The following SLC25A46 variants were observed in gnomAD, a reference collection of about 807,000 sequenced individuals.
The protein encoded by SLC25A46 is mitochondrial outer membrane protein SLC25A46.
SLC25A46 carries 39 observed loss-of-function variants against 44.6 expected under a neutral mutation model. The ratio of observed to expected loss-of-function variants is 0.87; its 90% CI spans 0.68 to 1.14. The LOEUF (loss-of-function observed/expected upper bound fraction) is 1.14. Ranked by LOEUF, SLC25A46 falls within the 50% of genes most tolerant of loss-of-function variation. SLC25A46 has a pLI of 0.00. For missense variants in SLC25A46, 547 were observed against 522.7 expected (o/e 1.05, Z -0.45); for synonymous variants, 202 against 185.8 (o/e 1.09, Z -0.71).
intron 7 of SLC25A46, 21 bp downstream of exon 7, chr5:110,756,780 AT>A (rs575806457): frequency 2.5e-3 from 3,399 of 1,362,834 alleles, no homozygotes; most frequent in South Asian, 4.7e-3. Context: ...TTTTACTGTC[AT>A]TTTTTTTTTA....
chr5:110,760,650 C>T (rs906203713), intron 7 of SLC25A46, among the ~76,000 whole-genome samples: 2 of 152,150 alleles, frequency 1.3e-5, no homozygotes, highest in African/African-American at 4.8e-5. Flanking sequence ...CAAAATTCTA[C>T]AAAAGCAGAC....
rs905540220 is a variant in SLC25A46, at chr5:110,763,696, A to AAGTT, written c.*1917_*1920dup. 1 of 151,864 alleles carries AAGTT rather than the reference A, an allele frequency of 6.6e-6. No individual in the cohort carries two copies. Among genetic ancestry groups the AAGTT allele is most frequent in the African/African-American group, 2.4e-5 (1 of 41,404 alleles). The allele number at this position is 151,864 out of a possible 1,614,324, so 9.4% of individuals were successfully genotyped here. A position where few individuals can be genotyped will look rare whatever the true frequency, so the allele number is the denominator to read the frequency against. ...TTAAATATTTCAGGATATTTTTTGG[A>AAGTT]AGTTAGCATGAAAATAGTTAGTTAC... On this transcript the variant is annotated 3_prime_UTR_variant, in exon 8 of 8. Coordinates refer to ENST00000355943, the MANE Select transcript of SLC25A46 (RefSeq NM_138773.4).
At chr5:110,738,926 G>C, upstream of SLC25A46, 1 of 1,397,412 alleles carries the variant, frequency 7.2e-7, no homozygotes, top group South Asian at 1.5e-5. Flanking sequence ...CCTAGCAACC[G>C]TGCCCTTTAA....
At chr5:110,752,872 G>A (rs1265967205) in intron 5 of SLC25A46, among the ~76,000 whole-genome samples, 3 of 152,064 alleles carry the variant, frequency 2.0e-5, no homozygotes, top group African/African-American at 4.8e-5. Context: ...TATGAGCGTC[G>A]CTAGGGAAGA....
chr5:110,738,332 C>A, upstream of SLC25A46: 1 of 1,068,352 alleles, frequency 9.4e-7, no homozygotes, highest in Non-Finnish European at 1.2e-6. Flanking sequence ...ATTTCAATAC[C>A]CTGAGTGATT....
rs932965010 is a variant in SLC25A46, at chr5:110,764,026, G to A, written c.*2244G>A. ...AAATTGTTATTTTTCTTTAACATGG[G>A]TGCCAAATCAAATATCCATGGGCTA... On this transcript the variant is annotated 3_prime_UTR_variant, in exon 8 of 8. Coordinates refer to ENST00000355943, the MANE Select transcript of SLC25A46 (RefSeq NM_138773.4). The A allele has an allele frequency of 6.6e-6, 1 of 151,696 alleles. No individual in the cohort carries two copies. The highest frequency in any genetic ancestry group is 2.4e-5 in the African/African-American group (1 of 41,364). 9.4% of individuals were successfully genotyped at this position (151,696 alleles called of 1,614,324 possible).
Position 110,755,450 on chromosome 5 carries a change from A to G in SLC25A46, c.564-15A>G, listed in dbSNP as rs1394762178. ...CATGGCTTTTGTTTTATTTAAGTTT[A>G]TTTTTATGTTTTAGGGAGGTTTTAC... is the stretch of plus-strand genomic sequence containing the variant. On this transcript the variant is annotated splice_polypyrimidine_tract_variant and intron_variant, in intron 5 of 7. Coordinates refer to ENST00000355943, the MANE Select transcript of SLC25A46 (RefSeq NM_138773.4). 4.0e-6 allele frequency: 6 copies of G among 1,493,222 alleles called. No homozygotes were observed. The highest frequency in any genetic ancestry group is 4.6e-5 in the East Asian group (2 of 43,464). The allele number at this position is 1,493,222 out of a possible 1,614,324, so 92.5% of individuals were successfully genotyped here.
chr5:110,758,857 G>GAT (rs1308442743), intron 7 of SLC25A46, among the ~76,000 whole-genome samples: 1 of 152,072 alleles, frequency 6.6e-6, no homozygotes, highest in East Asian at 1.9e-4. Context: ...ACTCATACAA[G>GAT]ATTGTTTTCA....
At chr5:110,738,783 T>G, upstream of SLC25A46, 1 of 391,180 alleles carries the variant, frequency 2.6e-6, no homozygotes, top group East Asian at 6.1e-5. Context: ...ACTCCTCCCA[T>G]GCAGGCCCTA....
Position 110,739,405 on chromosome 5 carries a change from G to C in SLC25A46, c.283+3G>C. ...CAGTGTGCAGGGGCAGAGCAGTGGT[G>C]AGAAGCATGGGGACCGACACAGGGA... On this transcript the variant is annotated splice_donor_region_variant and intron_variant, in intron 1 of 7. Coordinates refer to ENST00000355943, the MANE Select transcript of SLC25A46 (RefSeq NM_138773.4). 6.5e-7 allele frequency: 1 copy of C among 1,540,012 alleles called. No homozygotes were observed. The highest frequency in any genetic ancestry group is 8.7e-7 in the Non-Finnish European group (1 of 1,148,236).
At chr5:110,747,100 T>C (rs963827553) in intron 4 of SLC25A46, among the ~76,000 whole-genome samples, 9 of 152,196 alleles carry the variant, frequency 5.9e-5, no homozygotes, top group African/African-American at 2.2e-4. Flanking sequence ...AAAATGTACA[T>C]GTTCTTTCAC....
intron 5 of SLC25A46, among the ~76,000 whole-genome samples, chr5:110,749,928 A>C (rs1364085143): frequency 2.6e-5 from 4 of 152,156 alleles, no homozygotes; most frequent in Non-Finnish European, 4.4e-5. Flanking sequence ...ATTTTTGTAT[A>C]TCATCCTATC....
chr5:110,739,206 T>C lies in SLC25A46; in HGVS notation c.87T>C (p.Pro29=), dbSNP rs768895732. Residue 29 remains proline, a synonymous_variant, in exon 1 of 8, where the codon CCT becomes CCC. Transcript: ENST00000355943. The part of the protein sequence containing the change: ...RDEQGFGGAF[P]ARSFSTGSDL... ...AGCAGGGCTTTGGCGGCGCCTTCCC[T>C]GCAAGGTCCTTCAGCACCGGGTCGG... The C allele has an allele frequency of 3.2e-6, 5 of 1,567,004 alleles. No homozygotes were observed. Among genetic ancestry groups the C allele is most frequent in the Non-Finnish European group, 4.3e-6 (5 of 1,156,248 alleles).
intron 7 of SLC25A46, among the ~76,000 whole-genome samples, chr5:110,758,641 G>A (rs1159139376): frequency 6.6e-6 from 1 of 151,986 alleles, no homozygotes; most frequent in Non-Finnish European, 1.5e-5. Flanking sequence ...AATTAGCCGG[G>A]TGTGGTAGTG....
chr5:110,749,865 G>T (rs1246078486), intron 5 of SLC25A46, among the ~76,000 whole-genome samples: 1 of 152,042 alleles, frequency 6.6e-6, no homozygotes, highest in Non-Finnish European at 1.5e-5. Context: ...TTGGAAATTA[G>T]AAATTTTTAA....
chr5:110,758,044 GT>G (rs1041404159), intron 7 of SLC25A46, among the ~76,000 whole-genome samples: 2 of 151,798 alleles, frequency 1.3e-5, no homozygotes, highest in Non-Finnish European at 2.9e-5. Flanking sequence ...CTGTGTATGT[GT>G]TTTTTTTAAC....
chr5:110,744,461 G>T (rs1191303410), intron 3 of SLC25A46, among the ~76,000 whole-genome samples: 1 of 152,096 alleles, frequency 6.6e-6, no homozygotes, highest in African/African-American at 2.4e-5. Flanking sequence ...ATGTAATTGT[G>T]CATAAGTTAT....
intron 1 of SLC25A46, 140 bp downstream of exon 1, chr5:110,739,542 T>G (rs1799568468): frequency 1.7e-6 from 2 of 1,204,840 alleles, no homozygotes; most frequent in Non-Finnish European, 1.1e-6. Context: ...TTGCCCTCCT[T>G]TGGTCCTCTG....
intron 5 of SLC25A46, among the ~76,000 whole-genome samples, chr5:110,751,236 T>C (rs1439079276): frequency 6.6e-6 from 1 of 152,192 alleles, no homozygotes. Context: ...GCTCAGAATC[T>C]AATAAAAGTA....
Sources: gnomAD v4.1 joint callset for allele counts (sites outside exome capture counted in the v4.1 genomes callset) on GRCh38, gnomAD v4.1.1 for gene constraint, MANE v1.5 for transcripts, NCBI Gene and HGNC (gene_info 2026-07-23, HGNC 2026-07-21) for gene names.